The following BABAM2 variants were observed in gnomAD, a reference collection of about 807,000 sequenced individuals.
BABAM2 encodes the protein BRISC and BRCA1 A complex member 2, also known as BRISC and BRCA1-A complex member 2.
In BABAM2, 31 loss-of-function variants were observed where a neutral mutation model predicts 54.7. That is an observed-to-expected ratio of 0.57 (90% confidence interval 0.43 to 0.77). The LOEUF (loss-of-function observed/expected upper bound fraction) is 0.77. Among genes scored for constraint, BABAM2 ranks in the 30% least tolerant of loss-of-function variants. The pLI, the probability that BABAM2 is intolerant of heterozygous loss-of-function variation, is 0.00. For missense variants in BABAM2, 364 were observed against 455.8 expected, an observed-to-expected ratio of 0.80 and a Z score of 1.83; for synonymous variants, 167 against 162.9, an observed-to-expected ratio of 1.03 and a Z score of -0.19.
intron 7 of BABAM2, among the ~76,000 whole-genome samples, chr2:28,142,134 T>C (rs1671120098): frequency 6.6e-6 from 1 of 152,174 alleles, no homozygotes; most frequent in East Asian, 1.9e-4. Flanking sequence ...GAGCATATAA[T>C]TTGATCCTGG....
chr2:28,053,345 G>T (rs1489964723), intron 6 of BABAM2, among the ~76,000 whole-genome samples: 1 of 152,128 alleles, frequency 6.6e-6, no homozygotes, highest in Non-Finnish European at 1.5e-5. Flanking sequence ...AAGCAAAATA[G>T]TCGTCTGGTA....
chr2:28,315,887 T>C (rs1317080993), intron 11 of BABAM2, among the ~76,000 whole-genome samples: 1 of 152,066 alleles, frequency 6.6e-6, no homozygotes, highest in Admixed American at 6.6e-5. Flanking sequence ...GCCTTGGAAA[T>C]ATTAATAAAC....
At chr2:28,176,592 A>AC (rs1674998013) in intron 7 of BABAM2, among the ~76,000 whole-genome samples, 1 of 145,786 alleles carries the variant, frequency 6.9e-6, no homozygotes, top group Non-Finnish European at 1.5e-5. Flanking sequence ...AAAAAAAAAA[A>AC]AAAACCTCAC....
chr2:28,195,593 G>A (rs1010186435), intron 7 of BABAM2, among the ~76,000 whole-genome samples: 1 of 152,198 alleles, frequency 6.6e-6, no homozygotes, highest in Non-Finnish European at 1.5e-5. Flanking sequence ...GAGGGCCAGG[G>A]TCTTCAGGTA....
intron 2 of BABAM2, among the ~76,000 whole-genome samples, chr2:27,925,535 G>A (rs750564035): frequency 6.6e-6 from 1 of 152,132 alleles, no homozygotes; most frequent in Non-Finnish European, 1.5e-5. Context: ...AAGCATCCCT[G>A]GGGGGTAAAC....
chr2:28,131,851 G>C (rs545363898), intron 7 of BABAM2, among the ~76,000 whole-genome samples: 1 of 152,264 alleles, frequency 6.6e-6, no homozygotes, highest in Admixed American at 6.5e-5. Flanking sequence ...CTTTGGTGAT[G>C]AGCAAAGAGT....
intron 10 of BABAM2, among the ~76,000 whole-genome samples, chr2:28,250,567 A>G (rs1256399323): frequency 7.2e-6 from 1 of 138,270 alleles, no homozygotes; most frequent in African/African-American, 2.6e-5. Flanking sequence ...ACTATAAACA[A>G]TCATATATAT....
intron 10 of BABAM2, among the ~76,000 whole-genome samples, chr2:28,285,555 C>T (rs1686718180): frequency 6.6e-6 from 1 of 152,134 alleles, no homozygotes; most frequent in Admixed American, 6.6e-5. Context: ...GTGCTTCTAA[C>T]CAAGTCTTAT....
intron 11 of BABAM2, among the ~76,000 whole-genome samples, chr2:28,300,474 A>T (rs961308594): frequency 2.0e-5 from 3 of 152,254 alleles, no homozygotes; most frequent in African/African-American, 7.2e-5. Context: ...CAATGGAAAA[A>T]AGGAATTATG....
chr2:28,206,817 T>TA (rs1201634460), intron 7 of BABAM2, among the ~76,000 whole-genome samples: 3 of 152,238 alleles, frequency 2.0e-5, no homozygotes, highest in Admixed American at 1.3e-4. Context: ...TTACTACTCT[T>TA]ACAACATTAT....
At chr2:28,302,935 T>C (rs1459162701) in intron 11 of BABAM2, among the ~76,000 whole-genome samples, 1 of 152,212 alleles carries the variant, frequency 6.6e-6, no homozygotes, top group Admixed American at 6.5e-5. Flanking sequence ...TATTAATGAG[T>C]TGTATATATG....
intron 4 of BABAM2, among the ~76,000 whole-genome samples, chr2:28,004,859 A>G (rs1673845121): frequency 2.0e-5 from 3 of 152,154 alleles, no homozygotes; most frequent in Admixed American, 2.0e-4. Context: ...ATACATTTTA[A>G]AAAGACTTAT....
intron 6 of BABAM2, among the ~76,000 whole-genome samples, chr2:28,093,264 G>GT (rs1195114864): frequency 6.6e-6 from 1 of 152,142 alleles, no homozygotes; most frequent in Non-Finnish European, 1.5e-5. Context: ...TTTGTTTTCT[G>GT]TTTTGGGTTG....
At chr2:28,208,701 T>C (rs1679143788) in intron 7 of BABAM2, among the ~76,000 whole-genome samples, 1 of 149,452 alleles carries the variant, frequency 6.7e-6, no homozygotes, top group Admixed American at 6.7e-5. Context: ...TTTTCTCATA[T>C]TTTTCAGATA....
chr2:28,009,121 G>T (rs55700739), intron 4 of BABAM2, among the ~76,000 whole-genome samples: 12,871 of 152,128 alleles, frequency 0.085, 858 homozygotes, highest in African/African-American at 0.18. Flanking sequence ...CATCGGAAAA[G>T]TAAGTGTTCT....
At chr2:28,038,630 G>A (rs1214215559) in intron 5 of BABAM2, among the ~76,000 whole-genome samples, 2 of 152,042 alleles carry the variant, frequency 1.3e-5, no homozygotes, top group Non-Finnish European at 2.9e-5. Context: ...GAGAACATGT[G>A]GTATATGGTT....
intron 11 of BABAM2, among the ~76,000 whole-genome samples, chr2:28,313,505 G>A (rs1026562046): frequency 6.6e-6 from 1 of 152,182 alleles, no homozygotes; most frequent in African/African-American, 2.4e-5. Flanking sequence ...GTAATCCAAA[G>A]TCACTTCTGA....
intron 7 of BABAM2, among the ~76,000 whole-genome samples, chr2:28,174,100 T>C (rs891528752): frequency 6.6e-6 from 1 of 152,172 alleles, no homozygotes; most frequent in African/African-American, 2.4e-5. Flanking sequence ...TCAAATAAAA[T>C]CGCTCAAGCT....
chr2:28,309,125 T>C (rs1688832176), intron 11 of BABAM2: 1 of 152,264 alleles, frequency 6.6e-6, no homozygotes, highest in Non-Finnish European at 1.5e-5. Context: ...CTTATGCTCC[T>C]CCTTCAAGCT....
Sources: gnomAD v4.1 joint callset for allele counts (sites outside exome capture counted in the v4.1 genomes callset) on GRCh38, gnomAD v4.1.1 for gene constraint, MANE v1.5 for transcripts, NCBI Gene and HGNC (gene_info 2026-07-23, HGNC 2026-07-21) for gene names.